Variants in PRKN observed in about 807,000 individuals in gnomAD.
PRKN encodes E3 ubiquitin-protein ligase parkin.
PRKN carries 56 observed loss-of-function variants against 59.5 expected under a neutral mutation model. The observed-to-expected ratio is 0.94, with a 90% CI of 0.76 to 1.18. The LOEUF is 1.18. PRKN is among the 50% of genes most tolerant of loss of function. The pLI is 0.00. For missense variants in PRKN, 657 were observed against 596.4 expected, an observed-to-expected ratio of 1.10 and a Z score of -1.06; for synonymous variants, 250 against 222.1, an observed-to-expected ratio of 1.13 and a Z score of -1.12.
chr6:162,550,615 C>T (rs1779298909), intron 1 of PRKN, among the ~76,000 whole-genome samples: 1 of 152,172 alleles, frequency 6.6e-6, no homozygotes, highest in Non-Finnish European at 1.5e-5. Flanking sequence ...AGCAGTACAG[C>T]ATCTGTTACA....
chr6:162,425,895 A>G (rs373326895), intron 2 of PRKN, among the ~76,000 whole-genome samples: 1 of 152,214 alleles, frequency 6.6e-6, no homozygotes, highest in East Asian at 1.9e-4. Flanking sequence ...TGAATACGGA[A>G]AGAAAGCCAA....
intron 1 of PRKN, among the ~76,000 whole-genome samples, chr6:162,487,091 T>C (rs144886020): frequency 4.0e-5 from 6 of 151,566 alleles, no homozygotes; most frequent in African/African-American, 1.2e-4. Context: ...AAAAGAAAAG[T>C]AGATTTTAAG....
At chr6:162,010,907 TATATTAA>T (rs1782592605) in intron 5 of PRKN, among the ~76,000 whole-genome samples, 1 of 14,140 alleles carries the variant, frequency 7.1e-5, no homozygotes, top group African/African-American at 7.9e-4. Context: ...TATACTATAA[TATATTAA>T]ATATATAATA....
rs201872405 is a variant in PRKN at position 162,469,719 on chromosome 6, GGAC to G, written c.8-26249_8-26247del. Among the ~76,000 whole-genome samples the G allele has an allele frequency of 3.1e-3, 465 of 152,036 alleles. 1 individual carries two copies. Among genetic ancestry groups the G allele is most frequent in the African/African-American group, 0.01 (429 of 41,508 alleles). On this transcript the variant is annotated intron_variant, in intron 1 of 11. Coordinates refer to ENST00000366898, the MANE Select transcript of PRKN (RefSeq NM_004562.3). ...CTAAGAATGACACAGTGGACTCTGG[GGAC>G]TCAACAGGAAAGGATGGGAAGGGGG... is the stretch of plus-strand genomic sequence containing the variant.
intron 2 of PRKN, among the ~76,000 whole-genome samples, chr6:162,418,487 G>A (rs1196079364): frequency 6.6e-6 from 1 of 152,090 alleles, no homozygotes. Context: ...GAAGTGCATA[G>A]CATGTGGACT....
chr6:162,596,397 A>G (rs1249608475), intron 1 of PRKN, among the ~76,000 whole-genome samples: 1 of 152,224 alleles, frequency 6.6e-6, no homozygotes, highest in Non-Finnish European at 1.5e-5. Context: ...AGTGAAAGGA[A>G]TAATTGTTAC....
chr6:161,521,279 T>G (rs1778813632), intron 9 of PRKN, among the ~76,000 whole-genome samples: 1 of 152,232 alleles, frequency 6.6e-6, no homozygotes, highest in South Asian at 2.1e-4. Context: ...ATATTCATTT[T>G]GCACTATATG....
chr6:162,650,555 G>A (rs373649433), intron 1 of PRKN, among the ~76,000 whole-genome samples: 1 of 133,524 alleles, frequency 7.5e-6, no homozygotes, highest in African/African-American at 2.8e-5. Flanking sequence ...CCGAGATCCC[G>A]CCACTGCACT....
At position 162,273,057 on chromosome 6, in the gene PRKN, CATAG is replaced by C. The variant is rs1012860645; in HGVS notation, c.172-10296_172-10293del. 3.9e-4 allele frequency among the ~76,000 whole-genome samples: 58 copies of C among 146,936 alleles called. 1 individual carries two copies. The East Asian group carries it at 4.1e-3, about 11-fold the overall frequency. ...TTCAGAAACAAGTGAAATGCTTGAC[CATAG>C]AAGACAAGTACAATCTGTGAAGAAA... On this transcript the variant is annotated intron_variant, in intron 2 of 11. Coordinates refer to ENST00000366898, the MANE Select transcript of PRKN (RefSeq NM_004562.3).
In PRKN at chr6:161,746,190, C is replaced by G. The variant is rs796433592; in HGVS notation, c.871+39582G>C. Among the ~76,000 whole-genome samples, 13 of 152,258 alleles carry G rather than the reference C, an allele frequency of 8.5e-5. 1 individual carries two copies. Among genetic ancestry groups the G allele is most frequent in the African/African-American group, 3.1e-4 (13 of 41,552 alleles). ...CTAAAGTGAAACTAAGATGTAAATA[C>G]AAGTCTCTCTGTTGCCAAAACCCAG... is the stretch of plus-strand genomic sequence containing the variant. On this transcript the variant is annotated intron_variant, in intron 7 of 11. Coordinates refer to ENST00000366898, the MANE Select transcript of PRKN (RefSeq NM_004562.3).
At chr6:161,840,176 G>A (rs552372907) in intron 6 of PRKN, among the ~76,000 whole-genome samples, 5 of 152,314 alleles carry the variant, frequency 3.3e-5, no homozygotes, top group East Asian at 3.9e-4. Context: ...AAAGAAACCC[G>A]TAGGCTCGTG....
chr6:161,374,971 G>T (rs1042336191), intron 10 of PRKN, among the ~76,000 whole-genome samples: 1 of 152,104 alleles, frequency 6.6e-6, no homozygotes, highest in East Asian at 1.9e-4. Flanking sequence ...ATTTTCAGAG[G>T]AGGGTCCCAT....
chr6:162,694,668 T>C (rs990205171), intron 1 of PRKN: 1 of 152,234 alleles, frequency 6.6e-6, no homozygotes, highest in Non-Finnish European at 1.5e-5. Context: ...CTTTCATACT[T>C]AAGAAAGAAT....
chr6:161,765,860 C>T (rs1345320826), intron 7 of PRKN, among the ~76,000 whole-genome samples: 1 of 152,148 alleles, frequency 6.6e-6, no homozygotes, highest in East Asian at 1.9e-4. Context: ...TAAACAGTCT[C>T]TAACTGAAAC....
chr6:162,201,235 T>C lies in PRKN; in HGVS notation c.430A>G (p.Asn144Asp). 6.2e-7 allele frequency: 1 copy of C among 1,613,980 alleles called. No homozygotes were observed. Among genetic ancestry groups the C allele is most frequent in the Non-Finnish European group, 8.5e-7 (1 of 1,179,840 alleles). ...AGSPAGRSIY[N>D]SFYVYCKGPC... ...CCTTTGCAATACACATAAAAGCTGT[T>C]GTAGATTGATCTACCTGCTGGAGAA... The change falls in exon 4 of 12, where the codon AAC (asparagine) becomes GAC (aspartate). Residue 144 changes from asparagine to aspartate, a missense_variant. Physicochemically the swap from Asn to Asp is conservative, Grantham distance 23. Transcript: ENST00000366898.
chr6:161,531,985 A>G (rs925408716), intron 9 of PRKN, among the ~76,000 whole-genome samples: 46 of 152,300 alleles, frequency 3.0e-4, no homozygotes, highest in Admixed American at 7.8e-4. Context: ...GATAGATGCC[A>G]AAAGCATTTA....
At chr6:162,044,850 T>A (rs1470958739) in intron 5 of PRKN, among the ~76,000 whole-genome samples, 1 of 152,214 alleles carries the variant, frequency 6.6e-6, no homozygotes, top group Admixed American at 6.5e-5. Flanking sequence ...CATAAGCACT[T>A]TCTATGCGTG....
chr6:162,209,653 C>G (rs1785107647), intron 3 of PRKN, among the ~76,000 whole-genome samples: 1 of 152,126 alleles, frequency 6.6e-6, no homozygotes, highest in African/African-American at 2.4e-5. Flanking sequence ...AAGACACACG[C>G]ACATGTTTGC....
At chr6:162,255,082 TAAAA>T (rs1269082825) in intron 3 of PRKN, among the ~76,000 whole-genome samples, 1 of 85,764 alleles carries the variant, frequency 1.2e-5, no homozygotes, top group Non-Finnish European at 2.2e-5. Flanking sequence ...CATACAAAAA[TAAAA>T]TAAAATAAAA....
Sources: allele counts gnomAD v4.1 joint callset (sites outside exome capture counted in the v4.1 genomes callset), GRCh38; gene constraint gnomAD v4.1.1; transcripts MANE v1.5; gene names NCBI Gene and HGNC (gene_info 2026-07-23, HGNC 2026-07-21).